Variants in CHURC1 observed in about 807,000 individuals in gnomAD.
CHURC1 encodes the protein protein Churchill.
Under a neutral mutation model 15.4 loss-of-function variants are expected in CHURC1, and 12 were observed. That is an observed-to-expected ratio of 0.78 (90% CI 0.50 to 1.27). The LOEUF is 1.27. Ranked by LOEUF, CHURC1 falls within the 50% of genes most tolerant of loss-of-function variation. The probability of loss-of-function intolerance (pLI) is 0.00; values close to 1 mark genes in which losing one functional copy is unlikely to be tolerated. For missense variants in CHURC1, 132 were observed against 137.8 expected, an observed-to-expected ratio of 0.96 and a Z score of 0.21; for synonymous variants, 42 against 47.5, an observed-to-expected ratio of 0.88 and a Z score of 0.48.
intron 3 of CHURC1, chr14:64,930,912 C>A: frequency 2.2e-6 from 1 of 447,082 alleles, no homozygotes; most frequent in South Asian, 1.6e-5. Flanking sequence ...ATAAAGCCAT[C>A]TTTCCACTGC....
intron 1 of CHURC1, among the ~76,000 whole-genome samples, chr14:64,922,225 T>C (rs1884354739): frequency 6.6e-6 from 1 of 152,078 alleles, no homozygotes; most frequent in South Asian, 2.1e-4. Context: ...CACCTATGTA[T>C]ACCCTTACAG....
At chr14:64,923,169 C>T (rs1185508386) in intron 1 of CHURC1, among the ~76,000 whole-genome samples, 1 of 150,952 alleles carries the variant, frequency 6.6e-6, no homozygotes, top group Non-Finnish European at 1.5e-5. Flanking sequence ...GACGGTGGCT[C>T]ACAACTGTAA....
In CHURC1 at chr14:64,923,210, A is replaced by G. The variant is rs931662347; in HGVS notation, c.40-781A>G. Among the ~76,000 whole-genome samples, 2 of 148,082 alleles carry G rather than the reference A, an allele frequency of 1.4e-5. 1 individual carries two copies. The highest frequency in any genetic ancestry group is 4.3e-4 in the South Asian group (2 of 4,658). On this transcript the variant is annotated intron_variant, in intron 1 of 3. Transcript: ENST00000549115. ...ATACTTGGGAGGCTGAGGTGGGAAGATCATTTGAGCCCAGGAGTTTGAGAC... is the reference window on the plus strand; with the variant it reads ...ATACTTGGGAGGCTGAGGTGGGAAGGTCATTTGAGCCCAGGAGTTTGAGAC...
intron 1 of CHURC1, among the ~76,000 whole-genome samples, chr14:64,923,262 A>G (rs1884446572): frequency 6.7e-6 from 1 of 150,042 alleles, no homozygotes; most frequent in Non-Finnish European, 1.5e-5. Context: ...GCAAGACCCC[A>G]TCTCAATTAC....
At position 64,934,214 on chromosome 14, in the gene CHURC1, T is replaced by C; in HGVS notation, c.*1984T>C. 1 of 334,396 alleles carries C rather than the reference T, an allele frequency of 3.0e-6. No homozygotes were observed. Among genetic ancestry groups the C allele is most frequent in the Non-Finnish European group, 4.3e-6 (1 of 235,288 alleles). 20.7% of individuals were successfully genotyped at this position (334,396 alleles called of 1,614,324 possible). ...AAAAACAAAAATTAGCCAGGGGTGG[T>C]GGTATGCACCTGCAGTCCCAGCAAC... On this transcript the variant is annotated 3_prime_UTR_variant, in exon 4 of 4. Transcript: ENST00000549115.
chr14:64,929,392 C>T (rs1201200978), intron 3 of CHURC1, among the ~76,000 whole-genome samples: 1 of 152,082 alleles, frequency 6.6e-6, no homozygotes, highest in Non-Finnish European at 1.5e-5. Context: ...TTTTCTTGTA[C>T]CTATGTCAGG....
At chr14:64,925,877 T>C (rs1186054693) in intron 2 of CHURC1, 133 bp from the exon 3 acceptor site, 1 of 539,130 alleles carries the variant, frequency 1.9e-6, no homozygotes, top group East Asian at 3.1e-5. Context: ...GATACTATAA[T>C]GGGTTTCCTC....
intron 3 of CHURC1, among the ~76,000 whole-genome samples, chr14:64,930,059 C>G (rs2139915985): frequency 6.6e-6 from 1 of 150,500 alleles, no homozygotes; most frequent in East Asian, 1.9e-4. Context: ...TCAGAATTAA[C>G]AGGGACTAAT....
At chr14:64,917,106 G>A (rs890084737) in intron 1 of CHURC1, among the ~76,000 whole-genome samples, 1 of 152,176 alleles carries the variant, frequency 6.6e-6, no homozygotes. Flanking sequence ...GGCAACAGTG[G>A]TGTAGGCATG....
At chr14:64,921,652 A>C (rs1884306802) in intron 1 of CHURC1, among the ~76,000 whole-genome samples, 1 of 152,200 alleles carries the variant, frequency 6.6e-6, no homozygotes, top group African/African-American at 2.4e-5. Context: ...AAAAAGCAGT[A>C]CCTAGTATTG....
chr14:64,914,868 C>G (rs1229833409), intron 1 of CHURC1, among the ~76,000 whole-genome samples: 3 of 152,216 alleles, frequency 2.0e-5, no homozygotes, highest in African/African-American at 4.8e-5. Flanking sequence ...TGATGAAGTA[C>G]AATTTTCTTA....
intron 1 of CHURC1, among the ~76,000 whole-genome samples, chr14:64,920,283 A>G (rs1399402365): frequency 6.6e-6 from 1 of 152,180 alleles, no homozygotes; most frequent in Non-Finnish European, 1.5e-5. Context: ...CAGATTTTCT[A>G]AGGGTACTAA....
intron 1 of CHURC1, among the ~76,000 whole-genome samples, chr14:64,920,356 T>C (rs1303122893): frequency 1.3e-5 from 2 of 152,352 alleles, no homozygotes; most frequent in East Asian, 3.9e-4. Flanking sequence ...TGGAATTGAT[T>C]TGAATTGCAT....
chr14:64,932,145 C>T lies in CHURC1; in HGVS notation c.254C>T (p.Thr85Ile), dbSNP rs1368453291. ...CACTTTATCTTGTTCTAGGAGTATA[C>T]CATGCTGTGTCTGTTATGCGGCAAA... ...FSIMDEFQEY[T>I]MLCLLCGKAE... Residue 85 changes from threonine to isoleucine, a missense_variant, in exon 4 of 4, where the codon ACC (threonine) becomes ATC (isoleucine). Thr to Ile is a moderately conservative substitution (Grantham distance 89, BLOSUM62 -1). Transcript: ENST00000549115. 6.2e-7 allele frequency: 1 copy of T among 1,613,364 alleles called. No homozygotes were observed. Among genetic ancestry groups the T allele is most frequent in the South Asian group, 1.1e-5 (1 of 91,032 alleles).
At chr14:64,927,360 A>T (rs1375655836) in intron 3 of CHURC1, among the ~76,000 whole-genome samples, 3 of 152,192 alleles carry the variant, frequency 2.0e-5, no homozygotes, top group Non-Finnish European at 1.5e-5. Flanking sequence ...GCATAGGGAG[A>T]TGAGCATCTC....
chr14:64,934,263 G>A lies in CHURC1; in HGVS notation c.*2033G>A, dbSNP rs995680113. The A allele has an allele frequency of 6.2e-6, 2 of 323,442 alleles. No individual in the cohort carries two copies. The highest frequency in any genetic ancestry group is 1.3e-4 in the Admixed American group (2 of 15,464). 20.0% of individuals were successfully genotyped at this position (323,442 alleles called of 1,614,324 possible). On this transcript the variant is annotated 3_prime_UTR_variant, in exon 4 of 4. Transcript: ENST00000549115. ...ACATGGGAGGCTGAACAGGAGAATC[G>A]CTTGAACCCGCGACAGGGAGGTTGT...
At chr14:64,914,853 C>G (rs17102318) in intron 1 of CHURC1, among the ~76,000 whole-genome samples, 10,081 of 152,256 alleles carry the variant, frequency 0.066, 455 homozygotes, top group South Asian at 0.19. Context: ...TCCTCAAGCT[C>G]GATTTGATGA....
chr14:64,914,682 G>A, intron 1 of CHURC1, 148 bp downstream of exon 1: 1 of 1,464,566 alleles, frequency 6.8e-7, no homozygotes. Flanking sequence ...GGCACACCAG[G>A]GATGGCCTGT....
At position 64,930,182 on chromosome 14, in the gene CHURC1, A is replaced by G. The variant is rs61400099; in HGVS notation, c.247-1956A>G. 8.2e-4 allele frequency among the ~76,000 whole-genome samples: 125 copies of G among 151,984 alleles called. 3 individuals are homozygous for G. In the South Asian group the frequency reaches 0.02, roughly 24 times the overall value. ...CCGCCCACTCTGCTCTTCCCTCCAAATATTTTCCCCTAGGCCCTGCCCAGT... is the reference window on the plus strand; with the variant it reads ...CCGCCCACTCTGCTCTTCCCTCCAAGTATTTTCCCCTAGGCCCTGCCCAGT... On this transcript the variant is annotated intron_variant, in intron 3 of 3. Coordinates refer to ENST00000549115, the MANE Select transcript of CHURC1 (RefSeq NM_001386928.1).
Sources: gnomAD v4.1 joint callset for allele counts (sites outside exome capture counted in the v4.1 genomes callset) on GRCh38, gnomAD v4.1.1 for gene constraint, MANE v1.5 for transcripts, NCBI Gene and HGNC (gene_info 2026-07-23, HGNC 2026-07-21) for gene names.